SLC16A8: variants seen among roughly 807,000 people sequenced by gnomAD.
SLC16A8 encodes the protein solute carrier family 16 member 8.
SLC16A8 carries 20 observed loss-of-function variants against 22.4 expected under a neutral mutation model. The ratio of observed to expected loss-of-function variants is 0.89; its 90% CI spans 0.63 to 1.30. The LOEUF (loss-of-function observed/expected upper bound fraction) is 1.30. Among genes scored for constraint, SLC16A8 ranks in the 50% most tolerant of loss-of-function variants. The pLI, the probability that SLC16A8 is intolerant of heterozygous loss-of-function variation, is 0.00. For synonymous variants in SLC16A8, 393 were observed against 358.8 expected (o/e 1.10, Z -1.08); for missense variants, 817 against 740.3 (o/e 1.10, Z -1.20).
Position 38,078,242 on chromosome 22 carries a change from T to C in SLC16A8, c.*146A>G. ...CTTGGGGCACAGATGAGGGAGGCAG[T>C]TCCCAGACACCCAGGGGATCAACTG... On this transcript the variant is annotated 3_prime_UTR_variant, in exon 6 of 6. Coordinates refer to ENST00000681075, the MANE Select transcript of SLC16A8 (RefSeq NM_013356.3). 1 of 760,074 alleles carries C rather than the reference T, an allele frequency of 1.3e-6. No individual in the cohort carries two copies. The highest frequency in any genetic ancestry group is 2.5e-5 in the East Asian group (1 of 39,628). 47.1% of individuals were successfully genotyped at this position (760,074 alleles called of 1,614,324 possible). A position where few individuals can be genotyped will look rare whatever the true frequency, so the allele number is the denominator to read the frequency against.
chr22:38,081,452 G>T lies in SLC16A8; in HGVS notation c.586C>A (p.Pro196Thr). 1.6e-6 allele frequency: 2 copies of T among 1,290,120 alleles called. No homozygotes were observed. The highest frequency in any genetic ancestry group is 5.2e-5 in the South Asian group (2 of 38,510). The allele number at this position is 1,290,120 out of a possible 1,614,324, so 79.9% of individuals were successfully genotyped here. A position where few individuals can be genotyped will look rare whatever the true frequency, so the allele number is the denominator to read the frequency against. ...HCCACGAVMR[P>T]PPGPGPRPRR... Reference sequence around the variant, plus strand: ...GGTCGCGGGCCCGGCCCGGGCGGCGGCCTCATGACAGCCCCGCAGGCGCAG... The same window carrying T: ...GGTCGCGGGCCCGGCCCGGGCGGCGTCCTCATGACAGCCCCGCAGGCGCAG... Residue 196 changes from proline to threonine, a missense_variant, in exon 5 of 6, where the codon CCG (proline) becomes ACG (threonine). Transcript: ENST00000681075.
At position 38,081,982 on chromosome 22, in the gene SLC16A8, G is replaced by C. The variant is rs978717294; in HGVS notation, c.265C>G (p.Leu89Val). Residue 89 changes from leucine (L) to valine (V), a missense_variant, in exon 4 of 6, where the codon CTG becomes GTG. Physicochemically the swap from Leu to Val is conservative, Grantham distance 32. Transcript: ENST00000681075. ...GCGGAAGCCAGCAGCCCACCCGCCA[G>C]CATCACCGGGCGACAGCCAAAGCGG... ...VTRFGCRPVM[L>V]AGGLLASAGM... 6.4e-7 allele frequency: 1 copy of C among 1,571,282 alleles called. No homozygotes were observed. The highest frequency in any genetic ancestry group is 8.6e-7 in the Non-Finnish European group (1 of 1,158,698).
rs2085920329 is a variant in SLC16A8 at position 38,081,675 on chromosome 22, C to CAGGCCT, written c.359-2_362dup (p.Gly122_Leu123dup). The CAGGCCT allele has an allele frequency of 1.3e-6, 2 of 1,516,562 alleles. No individual in the cohort carries two copies. The allele number at this position is 1,516,562 out of a possible 1,614,324, so 93.9% of individuals were successfully genotyped here. A position where few individuals can be genotyped will look rare whatever the true frequency, so the allele number is the denominator to read the frequency against. On this transcript the variant is annotated inframe_insertion, in exon 5 of 6. Transcript: ENST00000681075. The stretch of plus-strand genomic sequence containing the variant: ...ACGGCTGGAAGTTGAGGGCCAGGCC[C>CAGGCCT]AGGCCTGCGGGCGAGGCGGTGCTGT...
Position 38,082,673 on chromosome 22 carries a change from C to G in SLC16A8, c.201G>C (p.Met67Ile). 1 of 1,580,134 alleles carries G rather than the reference C, an allele frequency of 6.3e-7. No individual in the cohort carries two copies. Among genetic ancestry groups the G allele is most frequent in the Non-Finnish European group, 8.6e-7 (1 of 1,164,958 alleles). The stretch of plus-strand genomic sequence containing the variant: ...GGGGACACTGACCCGTGCCGTAGAG[C>G]ATGGCTAGCATGATGGAGGACACCC... ...TAWVSSIMLAMLYGTGPVSSI... is the reference protein window; with the variant it reads ...TAWVSSIMLAILYGTGPVSSI... Residue 67 changes from methionine (M) to isoleucine (I), a missense_variant, in exon 3 of 6, where the codon ATG (methionine) becomes ATC (isoleucine). By Grantham distance (10) the Met-to-Ile change is conservative. Coordinates refer to ENST00000681075, the MANE Select transcript of SLC16A8 (RefSeq NM_013356.3).
chr22:38,082,209 C>A (rs1236291955), intron 3 of SLC16A8, among the ~76,000 whole-genome samples, 177 bp from the exon 4 acceptor site: 1 of 152,230 alleles, frequency 6.6e-6, no homozygotes, highest in Non-Finnish European at 1.5e-5. Flanking sequence ...CAGAGCACCC[C>A]ATCCTGCGAA....
intron 3 of SLC16A8, among the ~76,000 whole-genome samples, chr22:38,082,363 C>T (rs2085930828): frequency 6.6e-6 from 1 of 152,244 alleles, no homozygotes; most frequent in African/African-American, 2.4e-5. Flanking sequence ...CAGGTCAGGG[C>T]TGCGGGGAGG....
In SLC16A8 at chr22:38,082,750, A is replaced by C; in HGVS notation, c.124T>G (p.Phe42Val). ...AYGFPKAVSV[F>V]FRALMRDFDA... The stretch of plus-strand genomic sequence containing the variant: ...AAGTCGCGCATGAGCGCGCGGAAGA[A>C]GACGCTCACGGCTTTGGGGAAGCCG... Residue 42 changes from phenylalanine to valine, a missense_variant, in exon 3 of 6, where the codon TTC becomes GTC. Transcript: ENST00000681075. The C allele has an allele frequency of 6.3e-7, 1 of 1,593,804 alleles. No homozygotes were observed. The highest frequency in any genetic ancestry group is 8.5e-7 in the Non-Finnish European group (1 of 1,172,730).
At chr22:38,080,535 T>A (rs2145896895) in intron 5 of SLC16A8, among the ~76,000 whole-genome samples, 1 of 152,298 alleles carries the variant, frequency 6.6e-6, no homozygotes, top group Admixed American at 6.5e-5. Context: ...TGTGCCTCAG[T>A]TTCCTCATCT....
rs1436668868 is a variant in SLC16A8 at position 38,081,647 on chromosome 22, G to T, written c.391C>A (p.Leu131Ile). The change falls in exon 5 of 6, where the codon CTC (leucine) becomes ATC (isoleucine). Residue 131 changes from leucine (L) to isoleucine (I), a missense_variant. Physicochemically the swap from Leu to Ile is conservative, Grantham distance 5 (BLOSUM62 2). Transcript: ENST00000681075. The stretch of plus-strand genomic sequence containing the variant: ...TCGAAGTACAGCCCCAGCATGATGA[G>T]CGACGGCTGGAAGTTGAGGGCCAGG... ...LGLALNFQPS[L>I]IMLGLYFERR... 15 of 1,526,258 alleles carry T rather than the reference G, an allele frequency of 9.8e-6. No homozygotes were observed. The highest frequency in any genetic ancestry group is 1.4e-5 in the African/African-American group (1 of 71,696). The allele number at this position is 1,526,258 out of a possible 1,614,324, so 94.5% of individuals were successfully genotyped here. A position where few individuals can be genotyped will look rare whatever the true frequency, so the allele number is the denominator to read the frequency against.
intron 4 of SLC16A8, 83 bp downstream of exon 4, chr22:38,081,806 C>A: frequency 6.7e-7 from 1 of 1,485,372 alleles, no homozygotes; most frequent in Admixed American, 2.3e-5. Context: ...GAAGACTGTC[C>A]CTCATAGGGA....
chr22:38,081,806 C>T, intron 4 of SLC16A8, 83 bp downstream of exon 4: 13 of 1,485,372 alleles, frequency 8.8e-6, no homozygotes, highest in African/African-American at 7.0e-5. Flanking sequence ...GAAGACTGTC[C>T]CTCATAGGGA....
At position 38,083,212 on chromosome 22, in the gene SLC16A8, C is replaced by T. The variant is rs780327140; in HGVS notation, c.-179G>A. ...AGGTATGTGCCTGGAGGTGGGCGTC[C>T]AGCACCAAAGTCGCCCCGTACGCGT... On this transcript the variant is annotated 5_prime_UTR_variant, in exon 2 of 6. Transcript: ENST00000681075. 6.0e-6 allele frequency: 2 copies of T among 334,820 alleles called. No individual in the cohort carries two copies. Among genetic ancestry groups the T allele is most frequent in the Admixed American group, 8.8e-5 (2 of 22,846 alleles). The allele number at this position is 334,820 out of a possible 1,614,324, so 20.7% of individuals were successfully genotyped here. A position where few individuals can be genotyped will look rare whatever the true frequency, so the allele number is the denominator to read the frequency against.
rs560966138 is a variant in SLC16A8, at chr22:38,078,342, G to A, written c.*46C>T. Reference sequence around the variant, plus strand: ...CGTACCAGGCTCTCTGAGACAAGAAGCTGTGTTCCCAAGTCACTGGGCCAC... The same window carrying A: ...CGTACCAGGCTCTCTGAGACAAGAAACTGTGTTCCCAAGTCACTGGGCCAC... On this transcript the variant is annotated 3_prime_UTR_variant, in exon 6 of 6. Coordinates refer to ENST00000681075, the MANE Select transcript of SLC16A8 (RefSeq NM_013356.3). The A allele has an allele frequency of 1.3e-6, 2 of 1,531,442 alleles. No individual in the cohort carries two copies. The highest frequency in any genetic ancestry group is 2.7e-5 in the African/African-American group (2 of 73,404). The allele number at this position is 1,531,442 out of a possible 1,614,324, so 94.9% of individuals were successfully genotyped here.
chr22:38,081,020 C>T lies in SLC16A8; in HGVS notation c.1018G>A (p.Ala340Thr). The T allele has an allele frequency of 6.3e-7, 1 of 1,596,964 alleles. No homozygotes were observed. Among genetic ancestry groups the T allele is most frequent in the Non-Finnish European group, 8.5e-7 (1 of 1,177,456 alleles). The change falls in exon 5 of 6, where the codon GCG becomes ACG. Residue 340 changes from alanine to threonine, a missense_variant. Physicochemically the swap from Ala to Thr is moderately conservative, Grantham distance 58. Transcript: ENST00000681075. The stretch of plus-strand genomic sequence containing the variant: ...GCGACGAGGGCGCCGTAGGAGCGCG[C>T]GCGTGCGCTGCTCAGGTCTGTGAGC... Reference protein sequence around the residue: ...NGLTDLSSARARSYGALVAFC... With the variant: ...NGLTDLSSARTRSYGALVAFC...
intron 4 of SLC16A8, 75 bp from the exon 5 acceptor site, chr22:38,081,754 CCCGGGAACCCAGCAGAT>C (rs2085921664): frequency 2.5e-5 from 37 of 1,457,718 alleles, no homozygotes; most frequent in Middle Eastern, 3.6e-4. Context: ...AGGGGCCAGG[CCCGGGAACCCAGCAGAT>C]CCGGGAACCC....
chr22:38,082,067 G>A, intron 3 of SLC16A8, 35 bp from the exon 4 acceptor site: 1 of 1,548,784 alleles, frequency 6.5e-7, no homozygotes, highest in South Asian at 1.2e-5. Flanking sequence ...CCGGGTCCCG[G>A]GATGGCTTGA....
At position 38,081,180 on chromosome 22, in the gene SLC16A8, G is replaced by A; in HGVS notation, c.858C>T (p.Thr286=). The change falls in exon 5 of 6, where the codon ACC becomes ACT. Residue 286 remains threonine, a synonymous_variant. Transcript: ENST00000681075. ...CGATGGACAGCAGGAAGGCGGCGTC[G>A]GTGTCGGGCACGCCCGCGTCCTTGG... The part of the protein sequence containing the change: ...NYAKDAGVPD[T]DAAFLLSIVG... 6.4e-7 allele frequency: 1 copy of A among 1,554,898 alleles called. No individual in the cohort carries two copies. Among genetic ancestry groups the A allele is most frequent in the Non-Finnish European group, 8.7e-7 (1 of 1,149,326 alleles).
chr22:38,079,364 G>T (rs115813549), intron 5 of SLC16A8, among the ~76,000 whole-genome samples: 1 of 152,076 alleles, frequency 6.6e-6, no homozygotes, highest in African/African-American at 2.4e-5. Flanking sequence ...GGATCCTCCC[G>T]ACTTGGCCTC....
chr22:38,078,643 C>T lies in SLC16A8; in HGVS notation c.1260G>A (p.Val420=). The change falls in exon 6 of 6, where the codon GTG becomes GTA. Residue 420 remains valine (V), a synonymous_variant. Transcript: ENST00000681075. ...EIIFYLAGSE[V]ALAGVFMAVA... ...CAGCCATGAAGACCCCAGCCAGGGC[C>T]ACCTCAGAGCCGGCCAGGTAGAAGA... 1.2e-6 allele frequency: 2 copies of T among 1,613,760 alleles called. No homozygotes were observed. Among genetic ancestry groups the T allele is most frequent in the South Asian group, 2.2e-5 (2 of 91,080 alleles).
Sources: allele counts gnomAD v4.1 joint callset (sites outside exome capture counted in the v4.1 genomes callset), GRCh38; gene constraint gnomAD v4.1.1; transcripts MANE v1.5; gene names NCBI Gene and HGNC (gene_info 2026-07-23, HGNC 2026-07-21).